The following SERINC3 variants were observed in gnomAD, a reference collection of about 807,000 sequenced individuals.
SERINC3 encodes the protein tumor differentially expressed protein 1.
In SERINC3, 22 loss-of-function variants were observed where a neutral mutation model predicts 52.1. The ratio of observed to expected loss-of-function variants is 0.42; its 90% CI spans 0.30 to 0.60. The LOEUF (loss-of-function observed/expected upper bound fraction) is 0.60, where lower values mean the gene tolerates loss of function less well. Among genes scored for constraint, SERINC3 ranks in the 20% least tolerant of loss-of-function variants. SERINC3 has a pLI of 0.16. For missense variants in SERINC3, 564 were observed against 584.6 expected, an observed-to-expected ratio of 0.96 and a Z score of 0.36; for synonymous variants, 226 against 212.7, an observed-to-expected ratio of 1.06 and a Z score of -0.54.
intron 1 of SERINC3, among the ~76,000 whole-genome samples, chr20:44,517,766 A>G (rs2064389476): frequency 6.6e-6 from 1 of 152,196 alleles, no homozygotes; most frequent in Admixed American, 6.5e-5. Flanking sequence ...GCAAACTAAT[A>G]AACTTACTTA....
At chr20:44,506,316 A>T (rs1216797933) in intron 6 of SERINC3, among the ~76,000 whole-genome samples, 1 of 149,260 alleles carries the variant, frequency 6.7e-6, no homozygotes, top group Non-Finnish European at 1.5e-5. Flanking sequence ...ATTCCCGGCC[A>T]GGCGTGGTGG....
chr20:44,519,810 A>C (rs940071492), intron 1 of SERINC3, among the ~76,000 whole-genome samples: 1 of 152,086 alleles, frequency 6.6e-6, no homozygotes, highest in African/African-American at 2.4e-5. Context: ...AAAGAAAAAT[A>C]GTAGAAAGAG....
rs371735855 is a variant in SERINC3, at chr20:44,513,920, A to G, written c.160T>C (p.Tyr54His). 52 of 1,613,062 alleles carry G rather than the reference A, an allele frequency of 3.2e-5. No individual in the cohort carries two copies. The Admixed American group carries it at 5.7e-4, about 18-fold the overall frequency. Residue 54 changes from tyrosine (Y) to histidine (H), a missense_variant, in exon 2 of 10, where the codon TAT (tyrosine) becomes CAT (histidine). Tyr to His is a moderately conservative substitution (Grantham distance 83, BLOSUM62 2). Coordinates refer to ENST00000342374, the MANE Select transcript of SERINC3 (RefSeq NM_006811.4). Reference sequence around the variant, plus strand: ...TCCATCTCTTTTCTCTGCATGATATAGGATACGACAGTGCTCAGGAGGAGA... The same window carrying G: ...TCCATCTCTTTTCTCTGCATGATATGGGATACGACAGTGCTCAGGAGGAGA... ...FILLLSTVVSYIMQRKEMETY... is the reference protein window; with the variant it reads ...FILLLSTVVSHIMQRKEMETY...
intron 2 of SERINC3, 68 bp downstream of exon 2, chr20:44,513,811 A>T: frequency 7.4e-7 from 1 of 1,359,040 alleles, no homozygotes; most frequent in East Asian, 2.5e-5. Flanking sequence ...ACGACGAAAT[A>T]AAACTAGAAT....
chr20:44,506,962 C>T lies in SERINC3; in HGVS notation c.648G>A (p.Leu216=), dbSNP rs755123999. The T allele has an allele frequency of 4.4e-6, 7 of 1,606,572 alleles. No individual in the cohort carries two copies. In the African/African-American group the frequency reaches 8.0e-5, roughly 18 times the overall value. Residue 216 remains leucine, a synonymous_variant, in exon 6 of 10, where the codon CTG becomes CTA. Transcript: ENST00000342374. ...LLSFTSAFYI[L]SIICVGLLYT... is the part of the protein sequence containing the mutation. ...AGAGCAGCCCGACACAGATGATTGA[C>T]AGGATATAAAAGGCGCTTGTGAAAG...
intron 1 of SERINC3, among the ~76,000 whole-genome samples, chr20:44,515,884 G>T (rs1316048477): frequency 6.6e-6 from 1 of 151,900 alleles, no homozygotes; most frequent in African/African-American, 2.4e-5. Flanking sequence ...TTGAATTCCT[G>T]AGCTCAGGCA....
chr20:44,500,527 C>G (rs2064273104), intron 9 of SERINC3, 93 bp from the exon 10 acceptor site: 3 of 1,445,534 alleles, frequency 2.1e-6, no homozygotes, highest in Non-Finnish European at 2.8e-6. Flanking sequence ...AAGAAATTCT[C>G]CAGTGAAACT....
Position 44,500,449 on chromosome 20 carries a change from G to GA in SERINC3, c.1284-16dup. The GA allele has an allele frequency of 6.4e-7, 1 of 1,555,204 alleles. No homozygotes were observed. The highest frequency in any genetic ancestry group is 8.7e-7 in the Non-Finnish European group (1 of 1,148,650). On this transcript the variant is annotated splice_polypyrimidine_tract_variant and intron_variant, in intron 9 of 9. Coordinates refer to ENST00000342374, the MANE Select transcript of SERINC3 (RefSeq NM_006811.4). ...TTGCATCAGGGCTAAGAAAACAAGA[G>GA]AGAGTCAGGTAGAAAAGCCTGGTCT... is the stretch of plus-strand genomic sequence containing the variant.
chr20:44,506,430 A>G (rs1174739148), intron 6 of SERINC3, among the ~76,000 whole-genome samples: 1 of 151,546 alleles, frequency 6.6e-6, no homozygotes, highest in Non-Finnish European at 1.5e-5. Flanking sequence ...TACCAAAAAT[A>G]CAAAAACTGG....
At chr20:44,502,647 CTG>C (rs928532226) in intron 8 of SERINC3, among the ~76,000 whole-genome samples, 1 of 151,816 alleles carries the variant, frequency 6.6e-6, no homozygotes, top group African/African-American at 2.4e-5. Flanking sequence ...AGGTCTCACT[CTG>C]TCACCCAGGT....
In SERINC3 at chr20:44,499,523, TATG is replaced by T. The variant is rs1446544365; in HGVS notation, c.*770_*772del. On this transcript the variant is annotated 3_prime_UTR_variant, in exon 10 of 10. Transcript: ENST00000342374. ...TAACCAAATACCTTCATAGTGCAAA[TATG>T]ATAAATTCACATGCATTTTACTTTT... 7.9e-5 allele frequency: 12 copies of T among 152,486 alleles called. No homozygotes were observed. The highest frequency in any genetic ancestry group is 2.9e-4 in the African/African-American group (12 of 41,588). The allele number at this position is 152,486 out of a possible 1,614,324, so 9.4% of individuals were successfully genotyped here. A position where few individuals can be genotyped will look rare whatever the true frequency, so the allele number is the denominator to read the frequency against.
At chr20:44,507,962 G>A (rs548244422) in intron 5 of SERINC3, among the ~76,000 whole-genome samples, 4 of 152,316 alleles carry the variant, frequency 2.6e-5, no homozygotes, top group African/African-American at 4.8e-5. Flanking sequence ...CAAGAATGAT[G>A]AGCTCAGCTA....
chr20:44,513,106 C>T, intron 2 of SERINC3, 112 bp from the exon 3 acceptor site: 1 of 592,250 alleles, frequency 1.7e-6, no homozygotes, highest in Non-Finnish European at 2.8e-6. Flanking sequence ...AACTGCAAGA[C>T]TGACTATGGA....
intron 4 of SERINC3, among the ~76,000 whole-genome samples, chr20:44,511,081 T>G (rs2064344403): frequency 6.6e-6 from 1 of 151,874 alleles, no homozygotes; most frequent in Admixed American, 6.6e-5. Flanking sequence ...GCCTGGCTAA[T>G]TTTTGTATTT....
chr20:44,501,046 T>C (rs772421035), intron 9 of SERINC3, 27 bp downstream of exon 9: 1 of 1,544,554 alleles, frequency 6.5e-7, no homozygotes, highest in African/African-American at 1.4e-5. Flanking sequence ...TTTATGGTCT[T>C]CTGTCTGTTT....
chr20:44,503,977 T>C lies in SERINC3; in HGVS notation c.893A>G (p.Asn298Ser), dbSNP rs750095755. ...SNEPDRSCNP[N>S]LMSFITRITA... ...TATGCGTGTAATAAAGCTCATCAGGTTGGGATTGCAGGAACGATCTGAAAA... is the reference window on the plus strand; with the variant it reads ...TATGCGTGTAATAAAGCTCATCAGGCTGGGATTGCAGGAACGATCTGAAAA... Residue 298 changes from asparagine (N) to serine (S), a missense_variant, in exon 8 of 10, where the codon AAC (asparagine) becomes AGC (serine). By Grantham distance (46) the Asn-to-Ser change is conservative. Transcript: ENST00000342374. 36 of 1,584,240 alleles carry C rather than the reference T, an allele frequency of 2.3e-5. No homozygotes were observed. The highest frequency in any genetic ancestry group is 2.9e-5 in the Non-Finnish European group (34 of 1,171,250).
chr20:44,509,773 T>A, intron 5 of SERINC3, 118 bp downstream of exon 5: 1 of 1,092,746 alleles, frequency 9.2e-7, no homozygotes, highest in Non-Finnish European at 1.4e-6. Flanking sequence ...CAAGCCATTC[T>A]CCCACCTTGG....
In SERINC3 at chr20:44,504,868, G is replaced by C; in HGVS notation, c.807C>G (p.Leu269=). 4 of 1,613,524 alleles carry C rather than the reference G, an allele frequency of 2.5e-6. No homozygotes were observed. The highest frequency in any genetic ancestry group is 3.4e-6 in the Non-Finnish European group (4 of 1,179,552). ...KIQEHQPRSG[L]LQSSLITLYT... ...AGAGGGTGATGAGGGAGGACTGCAA[G>C]AGGCCGGAGCGAGGCTGGTGTTCCT... The change falls in exon 7 of 10, where the codon CTC becomes CTG. Residue 269 remains leucine, a synonymous_variant. Transcript: ENST00000342374.
At chr20:44,504,084 C>A (rs1036688557) in intron 7 of SERINC3, 89 bp from the exon 8 acceptor site, 3 of 1,080,768 alleles carry the variant, frequency 2.8e-6, no homozygotes, top group South Asian at 1.7e-5. Flanking sequence ...ATCATTCAGT[C>A]ATGATGTGAA....
Sources: allele counts gnomAD v4.1 joint callset (sites outside exome capture counted in the v4.1 genomes callset), GRCh38; gene constraint gnomAD v4.1.1; transcripts MANE v1.5; gene names NCBI Gene and HGNC (gene_info 2026-07-23, HGNC 2026-07-21).